TFCP2L1: variants seen among roughly 807,000 people sequenced by gnomAD.
The protein encoded by TFCP2L1 is transcription factor CP2 like 1.
In TFCP2L1, 12 loss-of-function variants were observed where a neutral mutation model predicts 72.2. The observed-to-expected ratio is 0.17, with a 90% CI of 0.11 to 0.27. The LOEUF (loss-of-function observed/expected upper bound fraction) is 0.27, where lower values mean the gene tolerates loss of function less well. Ranked by LOEUF, TFCP2L1 falls within the 10% of genes least tolerant of loss-of-function variation. The pLI is 1.00. For synonymous variants in TFCP2L1, 260 were observed against 251.0 expected, an observed-to-expected ratio of 1.04 and a Z score of -0.34; for missense variants, 488 against 624.6, an observed-to-expected ratio of 0.78 and a Z score of 2.33.
At chr2:121,270,700 G>A (rs1687029293) in intron 2 of TFCP2L1, among the ~76,000 whole-genome samples, 1 of 151,572 alleles carries the variant, frequency 6.6e-6, no homozygotes, top group Non-Finnish European at 1.5e-5. Context: ...AAGATATTTT[G>A]TTTGGGGGAA....
intron 1 of TFCP2L1, among the ~76,000 whole-genome samples, chr2:121,282,388 C>T (rs1010182861): frequency 1.5e-4 from 22 of 145,122 alleles, no homozygotes; most frequent in South Asian, 2.2e-4. Flanking sequence ...TGTTTCTGGA[C>T]GTATTTTTTA....
At chr2:121,267,041 T>A (rs1210577041) in intron 2 of TFCP2L1, among the ~76,000 whole-genome samples, 1 of 151,752 alleles carries the variant, frequency 6.6e-6, no homozygotes, top group African/African-American at 2.4e-5. Context: ...GCCTCCTGAG[T>A]AGAGTTAGCT....
At chr2:121,244,359 G>A (rs774095526) in intron 6 of TFCP2L1, among the ~76,000 whole-genome samples, 15 of 152,344 alleles carry the variant, frequency 9.8e-5, no homozygotes, top group Middle Eastern at 6.8e-3. Context: ...ACGGAGGGGT[G>A]ACAGGCAGCT....
chr2:121,250,363 T>TACACAC, intron 2 of TFCP2L1, among the ~76,000 whole-genome samples: 1 of 148,166 alleles, frequency 6.7e-6, no homozygotes, highest in South Asian at 2.1e-4. Flanking sequence ...TATATATATA[T>TACACAC]ACACACACAC....
chr2:121,255,200 G>A (rs1686690246), intron 2 of TFCP2L1, among the ~76,000 whole-genome samples: 1 of 152,218 alleles, frequency 6.6e-6, no homozygotes, highest in South Asian at 2.1e-4. Flanking sequence ...GAAGGCATCT[G>A]CTTCCATTCT....
At chr2:121,247,655 G>A (rs1686516643) in intron 5 of TFCP2L1, among the ~76,000 whole-genome samples, 1 of 152,040 alleles carries the variant, frequency 6.6e-6, no homozygotes, top group Non-Finnish European at 1.5e-5. Flanking sequence ...AAGATGGGAG[G>A]TTAGAAAACT....
In TFCP2L1 at chr2:121,218,744, G is replaced by C. The variant is rs1471960453; in HGVS notation, c.*5597C>G. On this transcript the variant is annotated 3_prime_UTR_variant, in exon 15 of 15. Coordinates refer to ENST00000263707, the MANE Select transcript of TFCP2L1 (RefSeq NM_014553.3). ...GCCTCTAGAAGGCCCTAAAGTGGCA[G>C]AGCCGGGGATGGCAGGTGCAGCCCT... 6.6e-6 allele frequency: 1 copy of C among 152,404 alleles called. No homozygotes were observed. Among genetic ancestry groups the C allele is most frequent in the Non-Finnish European group, 1.5e-5 (1 of 68,180 alleles). 9.4% of individuals were successfully genotyped at this position (152,404 alleles called of 1,614,324 possible).
At position 121,224,251 on chromosome 2, in the gene TFCP2L1, G is replaced by A. The variant is rs1208168475; in HGVS notation, c.*90C>T. ...GTCCCTCCTGGCCTCAGCTTGCCTGGTGAGGCCACAGCTTACAGTGGGGCA... is the reference window on the plus strand; with the variant it reads ...GTCCCTCCTGGCCTCAGCTTGCCTGATGAGGCCACAGCTTACAGTGGGGCA... On this transcript the variant is annotated 3_prime_UTR_variant, in exon 15 of 15. Coordinates refer to ENST00000263707, the MANE Select transcript of TFCP2L1 (RefSeq NM_014553.3). 3 of 1,496,982 alleles carry A rather than the reference G, an allele frequency of 2.0e-6. No individual in the cohort carries two copies. Among genetic ancestry groups the A allele is most frequent in the African/African-American group, 2.7e-5 (2 of 72,942 alleles). 92.7% of individuals were successfully genotyped at this position (1,496,982 alleles called of 1,614,324 possible).
chr2:121,281,450 G>A (rs1370967457), intron 1 of TFCP2L1, among the ~76,000 whole-genome samples, 179 bp from the exon 2 acceptor site: 1 of 152,032 alleles, frequency 6.6e-6, no homozygotes, highest in East Asian at 1.9e-4. Flanking sequence ...TTAAAACAGA[G>A]GAAACCGCTC....
chr2:121,238,923 A>C (rs1277607534), intron 8 of TFCP2L1, among the ~76,000 whole-genome samples: 1 of 152,036 alleles, frequency 6.6e-6, no homozygotes, highest in Non-Finnish European at 1.5e-5. Context: ...TGCAAGCAGA[A>C]AACAGGCAGC....
In TFCP2L1 at chr2:121,269,918, A is replaced by AATATAT. The variant is rs10531350; in HGVS notation, c.214+11196_214+11201dup. On this transcript the variant is annotated intron_variant, in intron 2 of 14. Coordinates refer to ENST00000263707, the MANE Select transcript of TFCP2L1 (RefSeq NM_014553.3). ...AGCAAGACTCCATCTAAAAAAAAAA[A>AATATAT]ATATATATATATATATATGCAAAAG... Among the ~76,000 whole-genome samples, 42 of 115,048 alleles carry AATATAT rather than the reference A, an allele frequency of 3.7e-4. 1 individual carries two copies. The highest frequency in any genetic ancestry group is 1.3e-3 in the South Asian group (4 of 3,190). The allele number at this position is 115,048 out of a possible 152,430, so 75.5% of individuals were successfully genotyped here.
chr2:121,266,926 T>C (rs972336364), intron 2 of TFCP2L1, among the ~76,000 whole-genome samples: 3 of 147,064 alleles, frequency 2.0e-5, no homozygotes, highest in Non-Finnish European at 4.5e-5. Context: ...TATTTATTTA[T>C]TTTTGAGATG....
At position 121,243,065 on chromosome 2, in the gene TFCP2L1, G is replaced by C. The variant is rs573428033; in HGVS notation, c.658-596C>G. Among the ~76,000 whole-genome samples, 35 of 152,342 alleles carry C rather than the reference G, an allele frequency of 2.3e-4. No homozygotes were observed. In the South Asian group the frequency reaches 7.2e-3, roughly 32 times the overall value. On this transcript the variant is annotated intron_variant, in intron 6 of 14. Transcript: ENST00000263707. ...AAACTGAGGCTCAAGGGGTTCATCA[G>C]GATGGGAGAGGATCCAAGTGAGAGT...
chr2:121,281,025 C>A, intron 2 of TFCP2L1, 95 bp downstream of exon 2: 1 of 1,546,940 alleles, frequency 6.5e-7, no homozygotes, highest in Non-Finnish European at 8.8e-7. Flanking sequence ...CCGACCTCAC[C>A]CACCGTAACA....
rs1190112753 is a variant in TFCP2L1, at chr2:121,224,253, G to A, written c.*88C>T. 3.3e-6 allele frequency: 5 copies of A among 1,514,232 alleles called. No individual in the cohort carries two copies. Among genetic ancestry groups the A allele is most frequent in the Non-Finnish European group, 4.5e-6 (5 of 1,099,098 alleles). The allele number at this position is 1,514,232 out of a possible 1,614,324, so 93.8% of individuals were successfully genotyped here. A position where few individuals can be genotyped will look rare whatever the true frequency, so the allele number is the denominator to read the frequency against. On this transcript the variant is annotated 3_prime_UTR_variant, in exon 15 of 15. Coordinates refer to ENST00000263707, the MANE Select transcript of TFCP2L1 (RefSeq NM_014553.3). The stretch of plus-strand genomic sequence containing the variant: ...CCCTCCTGGCCTCAGCTTGCCTGGT[G>A]AGGCCACAGCTTACAGTGGGGCAAT...
At chr2:121,245,872 G>A (rs1340512971) in intron 6 of TFCP2L1, among the ~76,000 whole-genome samples, 1 of 152,232 alleles carries the variant, frequency 6.6e-6, no homozygotes. Flanking sequence ...GGGAAGATCA[G>A]CACACACCCA....
chr2:121,256,420 G>C (rs1465661896), intron 2 of TFCP2L1, among the ~76,000 whole-genome samples: 1 of 152,186 alleles, frequency 6.6e-6, no homozygotes, highest in African/African-American at 2.4e-5. Context: ...TTTCTCAATA[G>C]TGTGGGATAA....
Position 121,217,851 on chromosome 2 carries a change from C to T in TFCP2L1, c.*6490G>A, listed in dbSNP as rs1350130354. The T allele has an allele frequency of 6.6e-6, 1 of 152,346 alleles. No homozygotes were observed. The highest frequency in any genetic ancestry group is 1.5e-5 in the Non-Finnish European group (1 of 68,122). The allele number at this position is 152,346 out of a possible 1,614,324, so 9.4% of individuals were successfully genotyped here. A position where few individuals can be genotyped will look rare whatever the true frequency, so the allele number is the denominator to read the frequency against. On this transcript the variant is annotated 3_prime_UTR_variant, in exon 15 of 15. Coordinates refer to ENST00000263707, the MANE Select transcript of TFCP2L1 (RefSeq NM_014553.3). ...GCGGCAAGAAGGAAAGCAAAGGGCT[C>T]TGCATTCCCACCACGAGGCGGGGTG...
At chr2:121,281,927 T>C (rs1242333072) in intron 1 of TFCP2L1, among the ~76,000 whole-genome samples, 6 of 55,658 alleles carry the variant, frequency 1.1e-4, no homozygotes, top group Non-Finnish European at 2.1e-4. Context: ...TGTGTGGTTG[T>C]TTTTTTTGGG....
Sources: allele counts gnomAD v4.1 joint callset (sites outside exome capture counted in the v4.1 genomes callset), GRCh38; gene constraint gnomAD v4.1.1; transcripts MANE v1.5; gene names NCBI Gene and HGNC (gene_info 2026-07-23, HGNC 2026-07-21).